Variants in TRAPPC9 observed in about 807,000 individuals in gnomAD.
TRAPPC9 encodes IKK2 binding protein.
Under a neutral mutation model 124.0 loss-of-function variants are expected in TRAPPC9, and 83 were observed. The observed-to-expected ratio is 0.67, with a 90% confidence interval of 0.56 to 0.80. TRAPPC9 has a LOEUF of 0.80. Ranked by LOEUF, TRAPPC9 falls within the 30% of genes least tolerant of loss-of-function variation. The pLI is 0.00. For synonymous variants in TRAPPC9, 638 were observed against 617.5 expected (o/e 1.03, Z -0.49); for missense variants, 1,302 against 1,508.3 (o/e 0.86, Z 2.27).
At chr8:139,771,278 T>A (rs1436712868) in intron 21 of TRAPPC9, among the ~76,000 whole-genome samples, 3 of 152,078 alleles carry the variant, frequency 2.0e-5, no homozygotes, top group Non-Finnish European at 4.4e-5. Context: ...CAAAGTCCCA[T>A]CTCAGAGAAC....
intron 21 of TRAPPC9, among the ~76,000 whole-genome samples, chr8:139,796,235 A>AC (rs1182812362): frequency 1.3e-5 from 2 of 152,268 alleles, no homozygotes; most frequent in Admixed American, 1.3e-4. Context: ...CTGTTCACAA[A>AC]CATATTCATA....
chr8:140,290,840 G>A (rs1457289663), intron 12 of TRAPPC9, among the ~76,000 whole-genome samples, 153 bp downstream of exon 12: 1 of 152,108 alleles, frequency 6.6e-6, no homozygotes, highest in East Asian at 1.9e-4. Flanking sequence ...ACAAAACATG[G>A]TCTTCATTTA....
intron 17 of TRAPPC9, among the ~76,000 whole-genome samples, chr8:140,125,785 G>T (rs1332648630): frequency 6.6e-6 from 1 of 151,642 alleles, no homozygotes; most frequent in African/African-American, 2.4e-5. Flanking sequence ...TAGTGAGACG[G>T]GTTCATGTCC....
rs1268838169 is a variant in TRAPPC9 at position 139,742,098 on chromosome 8, G to A, written c.3056-9896C>T. On this transcript the variant is annotated intron_variant, in intron 21 of 22. Transcript: ENST00000438773. The surrounding 1 kb of genome is among the most constrained non-coding windows in gnomAD (Gnocchi z 4.7). ...TAATGGTTTCAGGAAGCACCAGACT[G>A]TTTTCCAAGGCGGCTGCACCCCCAT... Among the ~76,000 whole-genome samples, 1 of 152,232 alleles carries A rather than the reference G, an allele frequency of 6.6e-6. No homozygotes were observed. Among genetic ancestry groups the A allele is most frequent in the Non-Finnish European group, 1.5e-5 (1 of 68,044 alleles).
chr8:140,396,937 C>T (rs1011977923), intron 7 of TRAPPC9, among the ~76,000 whole-genome samples: 1 of 150,850 alleles, frequency 6.6e-6, no homozygotes, highest in Non-Finnish European at 1.5e-5. Flanking sequence ...CCTGCCTCAG[C>T]TCTCTTTCCC....
At chr8:140,357,551 T>G (rs902511917) in intron 9 of TRAPPC9, among the ~76,000 whole-genome samples, 4 of 151,176 alleles carry the variant, frequency 2.6e-5, no homozygotes, top group Non-Finnish European at 5.9e-5. Context: ...CACTACCTCT[T>G]TAGATTTGCT....
At chr8:140,147,508 T>C (rs1020305227) in intron 17 of TRAPPC9, among the ~76,000 whole-genome samples, 1 of 152,198 alleles carries the variant, frequency 6.6e-6, no homozygotes, top group African/African-American at 2.4e-5. Context: ...AGAAGTCCTG[T>C]TTCAATGCCT....
chr8:139,836,912 C>T (rs780918563), intron 21 of TRAPPC9, among the ~76,000 whole-genome samples: 11 of 151,832 alleles, frequency 7.2e-5, no homozygotes, highest in African/African-American at 2.2e-4. Flanking sequence ...TTGATGTGAA[C>T]GGCTCCTTCT....
At chr8:140,255,375 T>A (rs1265451812) in intron 15 of TRAPPC9, among the ~76,000 whole-genome samples, 1 of 152,220 alleles carries the variant, frequency 6.6e-6, no homozygotes, top group Non-Finnish European at 1.5e-5. Flanking sequence ...ATATTATACA[T>A]GTTTGATAAA....
intron 2 of TRAPPC9, among the ~76,000 whole-genome samples, chr8:140,443,154 A>AAAAC (rs71320361): frequency 8.0e-6 from 1 of 125,016 alleles, no homozygotes; most frequent in Non-Finnish European, 1.7e-5. Flanking sequence ...AAAAAAAAAA[A>AAAAC]GCCAGGCGCG....
chr8:139,976,593 G>GC (rs1481778529), intron 19 of TRAPPC9, among the ~76,000 whole-genome samples: 24 of 152,208 alleles, frequency 1.6e-4, no homozygotes, highest in African/African-American at 5.8e-4. Flanking sequence ...TAAAAAGGGT[G>GC]CCAAAGGCTC....
intron 17 of TRAPPC9, among the ~76,000 whole-genome samples, chr8:140,089,403 C>T (rs760857560): frequency 9.9e-5 from 15 of 152,200 alleles, no homozygotes; most frequent in Non-Finnish European, 2.2e-4. Flanking sequence ...ATGGACCAGG[C>T]AGCCCCCTGT....
chr8:139,885,781 T>G, intron 21 of TRAPPC9, 98 bp downstream of exon 21: 1 of 1,205,526 alleles, frequency 8.3e-7, no homozygotes, highest in Non-Finnish European at 1.2e-6. Flanking sequence ...CCCACCAACA[T>G]TTGGGGTGCC....
intron 5 of TRAPPC9, among the ~76,000 whole-genome samples, chr8:140,413,282 A>C (rs1036180816): frequency 6.6e-6 from 1 of 152,112 alleles, no homozygotes; most frequent in Admixed American, 6.6e-5. Flanking sequence ...CCAGCTACTC[A>C]GGAGGCTGAG....
intron 17 of TRAPPC9, among the ~76,000 whole-genome samples, chr8:140,056,138 G>A (rs527742462): frequency 1.3e-5 from 2 of 152,132 alleles, no homozygotes; most frequent in Non-Finnish European, 2.9e-5. Flanking sequence ...GCCAGGCACA[G>A]TGACTCATGC....
intron 18 of TRAPPC9, among the ~76,000 whole-genome samples, chr8:140,013,533 A>T (rs1839267961): frequency 1.3e-5 from 2 of 152,200 alleles, no homozygotes; most frequent in African/African-American, 4.8e-5. Flanking sequence ...CTGCCCAAAC[A>T]AAGAGTCACA....
At chr8:139,853,972 T>C (rs1827653898) in intron 21 of TRAPPC9, among the ~76,000 whole-genome samples, 1 of 152,246 alleles carries the variant, frequency 6.6e-6, no homozygotes, top group Admixed American at 6.5e-5. Context: ...TACTATATTA[T>C]ACCAAAATAT....
chr8:139,831,085 A>C (rs1825962660), intron 21 of TRAPPC9, among the ~76,000 whole-genome samples: 1 of 152,194 alleles, frequency 6.6e-6, no homozygotes. Context: ...AAGAGACAGG[A>C]AGGAGCTCCC....
At chr8:140,429,340 G>T (rs35596790) in intron 4 of TRAPPC9, among the ~76,000 whole-genome samples, 109,455 of 151,926 alleles carry the variant, frequency 0.72, 40,049 homozygotes, top group East Asian at 0.99. Flanking sequence ...TCTGCCCACC[G>T]TGGCCTCCCA....
Sources: gnomAD v4.1 joint callset for allele counts (sites outside exome capture counted in the v4.1 genomes callset) on GRCh38, gnomAD v4.1.1 for gene constraint, Gnocchi (gnomAD v3.1) non-coding constraint, MANE v1.5 for transcripts, NCBI Gene and HGNC (gene_info 2026-07-23, HGNC 2026-07-21) for gene names.